Variants in SCIN observed in about 807,000 individuals in gnomAD.
SCIN encodes the protein scinderin, also known as adseverin.
Under a neutral mutation model 91.8 loss-of-function variants are expected in SCIN, and 91 were observed. The observed-to-expected ratio is 0.99, with a 90% confidence interval of 0.84 to 1.18. The LOEUF (loss-of-function observed/expected upper bound fraction) is 1.18. Among genes scored for constraint, SCIN ranks in the 50% most tolerant of loss-of-function variants. SCIN has a pLI of 0.00. For missense variants in SCIN, 1,087 were observed against 863.9 expected (o/e 1.26, Z -3.24); for synonymous variants, 367 against 312.6 (o/e 1.17, Z -1.84).
chr7:12,614,469 G>A (rs936887047), intron 4 of SCIN, among the ~76,000 whole-genome samples: 4 of 152,108 alleles, frequency 2.6e-5, no homozygotes, highest in Non-Finnish European at 5.9e-5. Context: ...TTTATTCCCT[G>A]TCTATGTTGT....
intron 9 of SCIN, among the ~76,000 whole-genome samples, chr7:12,632,136 T>TTTATTTTATC (rs1783658252): frequency 8.7e-6 from 1 of 115,274 alleles, no homozygotes; most frequent in Admixed American, 8.2e-5. Context: ...TTTATTTTAT[T>TTTATTTTATC]TTATTTTATT....
At chr7:12,571,485 G>C (rs964991878) in intron 1 of SCIN, 4 of 379,098 alleles carry the variant, frequency 1.1e-5, no homozygotes, top group Admixed American at 3.9e-5. Context: ...GTTGCTTTCG[G>C]GCACTGGCTT....
At chr7:12,643,131 G>C (rs962800332) in intron 11 of SCIN, among the ~76,000 whole-genome samples, 2 of 152,110 alleles carry the variant, frequency 1.3e-5, no homozygotes, top group African/African-American at 4.8e-5. Flanking sequence ...TCCTTTGTGA[G>C]ACCTCATCAG....
intron 1 of SCIN, among the ~76,000 whole-genome samples, chr7:12,575,529 C>G (rs1053065036): frequency 6.6e-6 from 1 of 151,956 alleles, no homozygotes; most frequent in African/African-American, 2.4e-5. Flanking sequence ...CTCTCTATTC[C>G]TAATTTGACT....
At chr7:12,633,197 T>C (rs1038538693) in intron 9 of SCIN, among the ~76,000 whole-genome samples, 1 of 151,942 alleles carries the variant, frequency 6.6e-6, no homozygotes, top group African/African-American at 2.4e-5. Flanking sequence ...AATTATGAAA[T>C]CACTTGTATG....
intron 3 of SCIN, chr7:12,596,239 T>C (rs976353777): frequency 4.9e-6 from 2 of 408,020 alleles, no homozygotes; most frequent in Non-Finnish European, 9.9e-6. Flanking sequence ...GTCGTACACA[T>C]GCCAACCTGA....
Position 12,655,578 on chromosome 7 carries a change from CA to C in SCIN, c.*2866del, listed in dbSNP as rs1048161666. On this transcript the variant is annotated 3_prime_UTR_variant, in exon 16 of 16. Coordinates refer to ENST00000297029, the MANE Select transcript of SCIN (RefSeq NM_001112706.3). ...TACTTTTATCTATCTACCAGATTAG[CA>C]AATGTTAAAATATTAAAATGTTAGT... is the stretch of plus-strand genomic sequence containing the variant. The C allele has an allele frequency of 2.0e-5, 3 of 152,092 alleles. No individual in the cohort carries two copies. Among genetic ancestry groups the C allele is most frequent in the Non-Finnish European group, 4.4e-5 (3 of 68,000 alleles). The allele number at this position is 152,092 out of a possible 1,614,324, so 9.4% of individuals were successfully genotyped here.
chr7:12,628,415 G>A (rs1039430026), intron 8 of SCIN, among the ~76,000 whole-genome samples: 2 of 152,144 alleles, frequency 1.3e-5, no homozygotes, highest in Admixed American at 6.6e-5. Context: ...TCAGTGTTTG[G>A]TGGAGGATCC....
intron 3 of SCIN, among the ~76,000 whole-genome samples, chr7:12,593,284 C>T (rs1243273939): frequency 6.6e-6 from 1 of 152,130 alleles, no homozygotes; most frequent in East Asian, 1.9e-4. Flanking sequence ...TTAGCACGAT[C>T]TCTTTGGGCT....
intron 3 of SCIN, among the ~76,000 whole-genome samples, chr7:12,588,086 ATCT>A (rs928588803): frequency 2.0e-5 from 3 of 152,206 alleles, no homozygotes; most frequent in South Asian, 2.1e-4. Flanking sequence ...ACTGAACTAA[ATCT>A]TCTCTGTTCT....
At chr7:12,627,864 T>G (rs750292824) in intron 8 of SCIN, among the ~76,000 whole-genome samples, 1 of 152,118 alleles carries the variant, frequency 6.6e-6, no homozygotes, top group Non-Finnish European at 1.5e-5. Flanking sequence ...CTGGGGGCTC[T>G]CTCTCGGATC....
chr7:12,579,692 G>T (rs1486754336), intron 2 of SCIN, among the ~76,000 whole-genome samples: 7 of 152,192 alleles, frequency 4.6e-5, no homozygotes, highest in Non-Finnish European at 2.9e-5. Flanking sequence ...AAAGCAGACG[G>T]ATCACCTGAG....
chr7:12,635,776 C>G (rs984712612), intron 9 of SCIN, among the ~76,000 whole-genome samples: 1 of 151,770 alleles, frequency 6.6e-6, no homozygotes, highest in Admixed American at 6.6e-5. Flanking sequence ...CAGGTGAACC[C>G]AATTACTTAG....
intron 4 of SCIN, among the ~76,000 whole-genome samples, chr7:12,614,203 A>C (rs1783254008): frequency 6.6e-6 from 1 of 152,200 alleles, no homozygotes; most frequent in South Asian, 2.1e-4. Context: ...TACAAGGGTA[A>C]ATGTAGATGG....
At chr7:12,580,012 C>G (rs1782455719) in intron 2 of SCIN, among the ~76,000 whole-genome samples, 1 of 151,970 alleles carries the variant, frequency 6.6e-6, no homozygotes, top group South Asian at 2.1e-4. Flanking sequence ...AAATTATGGA[C>G]TGGGAAATCA....
At chr7:12,579,897 T>C (rs897718971) in intron 2 of SCIN, among the ~76,000 whole-genome samples, 1 of 152,192 alleles carries the variant, frequency 6.6e-6, no homozygotes, top group African/African-American at 2.4e-5. Context: ...CTGGGAGACA[T>C]GAGTGAAACT....
intron 1 of SCIN, chr7:12,571,295 G>C (rs1160530064): frequency 4.7e-6 from 2 of 421,440 alleles, no homozygotes; most frequent in Non-Finnish European, 8.7e-6. Flanking sequence ...GTATCCAAAC[G>C]CCACTCTTGT....
At position 12,660,090 on chromosome 7, in the gene SCIN, C is replaced by G. The variant is rs1371216703; in HGVS notation, c.*7375C>G. The G allele has an allele frequency of 6.6e-6, 1 of 152,348 alleles. No individual in the cohort carries two copies. Among genetic ancestry groups the G allele is most frequent in the African/African-American group, 2.4e-5 (1 of 41,450 alleles). 9.4% of individuals were successfully genotyped at this position (152,348 alleles called of 1,614,324 possible). A position where few individuals can be genotyped will look rare whatever the true frequency, so the allele number is the denominator to read the frequency against. ...CCGCCTATCCCAAAACCTATAAGAA[C>G]TAATGATAATCCCACCACCCTTTGC... On this transcript the variant is annotated 3_prime_UTR_variant, in exon 16 of 16. Coordinates refer to ENST00000297029, the MANE Select transcript of SCIN (RefSeq NM_001112706.3).
At chr7:12,597,880 T>C (rs1782875293) in intron 3 of SCIN, among the ~76,000 whole-genome samples, 1 of 152,240 alleles carries the variant, frequency 6.6e-6, no homozygotes, top group African/African-American at 2.4e-5. Flanking sequence ...GATGTTCATA[T>C]ACAATATGTA....
Sources: gnomAD v4.1 joint callset for allele counts (sites outside exome capture counted in the v4.1 genomes callset) on GRCh38, gnomAD v4.1.1 for gene constraint, MANE v1.5 for transcripts, NCBI Gene and HGNC (gene_info 2026-07-23, HGNC 2026-07-21) for gene names.